The following CDKN2B-AS1 variants were observed in gnomAD, a reference collection of about 807,000 sequenced individuals.
The protein encoded by CDKN2B-AS1 is CDKN2B antisense RNA 1 (non-protein coding).
intron 1 of CDKN2B-AS1, chr9:22,003,065 T>A (rs1326686490): frequency 4.7e-6 from 1 of 212,728 alleles, no homozygotes; most frequent in Non-Finnish European, 9.5e-6. Flanking sequence ...GCAGGACTCA[T>A]GAAAATAGTA....
intron 2 of CDKN2B-AS1, among the ~76,000 whole-genome samples, chr9:22,047,855 T>C (rs61564778): frequency 0.039 from 5,888 of 151,968 alleles, 300 homozygotes; most frequent in African/African-American, 0.12. Context: ...GGCACAATCA[T>C]GGTTCATTGC....
chr9:22,020,991 G>T lies in CDKN2B-AS1; in HGVS notation n.30-25760G>T, dbSNP rs1445798272. 2.0e-5 allele frequency among the ~76,000 whole-genome samples: 3 copies of T among 152,004 alleles called. No individual in the cohort carries two copies. The South Asian group carries it at 6.2e-4, about 32-fold the overall frequency. On this transcript the variant is annotated intron_variant and non_coding_transcript_variant, in intron 1 of 4. Coordinates refer to ENST00000650946, the Ensembl canonical transcript of CDKN2B-AS1. ...TGGTACTGCCTAGACTGTCTTCCAG[G>T]GTTTTGATAGTTTTGGGTTTTACAT...
chr9:22,018,839 A>G (rs1356228391), intron 1 of CDKN2B-AS1, among the ~76,000 whole-genome samples: 123 of 152,348 alleles, frequency 8.1e-4, no homozygotes, highest in Non-Finnish European at 1.8e-4. Context: ...CCCCCCCAAT[A>G]AATATCATAC....
intron 4 of CDKN2B-AS1, among the ~76,000 whole-genome samples, chr9:22,078,797 T>C (rs1241242463): frequency 1.3e-5 from 2 of 152,242 alleles, no homozygotes; most frequent in Admixed American, 6.5e-5. Context: ...GTAAATCAGC[T>C]CTGAGATCTT....
chr9:22,120,613 T>A (rs558193116), intron 4 of CDKN2B-AS1: 3 of 152,160 alleles, frequency 2.0e-5, no homozygotes, highest in Admixed American at 6.5e-5. Context: ...ATGGTTTTTT[T>A]AAAAAAATAA....
At chr9:22,115,184 C>T (rs1172211728) in intron 4 of CDKN2B-AS1, among the ~76,000 whole-genome samples, 1 of 152,186 alleles carries the variant, frequency 6.6e-6, no homozygotes, top group Non-Finnish European at 1.5e-5. Context: ...GTCACAAGGA[C>T]TCCTCTTCCT....
chr9:22,052,549 A>C (rs1823392227), intron 3 of CDKN2B-AS1, among the ~76,000 whole-genome samples: 1 of 152,134 alleles, frequency 6.6e-6, no homozygotes, highest in Non-Finnish European at 1.5e-5. Flanking sequence ...CAAGTTGAAG[A>C]CCCAGGCTGC....
intron 1 of CDKN2B-AS1, chr9:22,030,476 T>G (rs1458162290): frequency 6.6e-6 from 1 of 152,148 alleles, no homozygotes; most frequent in African/African-American, 2.4e-5. Context: ...GCCCTGGTGT[T>G]GAAAAATTTT....
chr9:22,007,335 T>C (rs1376292368), intron 1 of CDKN2B-AS1, among the ~76,000 whole-genome samples: 1 of 150,220 alleles, frequency 6.7e-6, no homozygotes, highest in Non-Finnish European at 1.5e-5. Context: ...CTCCAGCCTG[T>C]CCGACAGAGT....
intron 4 of CDKN2B-AS1, among the ~76,000 whole-genome samples, chr9:22,072,834 C>G (rs1041486348): frequency 3.9e-5 from 6 of 152,166 alleles, no homozygotes; most frequent in Admixed American, 1.3e-4. Context: ...ACTGTCTTAA[C>G]TTTGTGTCTT....
chr9:22,051,543 A>G (rs1823346136), intron 3 of CDKN2B-AS1, among the ~76,000 whole-genome samples: 1 of 152,194 alleles, frequency 6.6e-6, no homozygotes, highest in African/African-American at 2.4e-5. Context: ...ATTTTCTTCC[A>G]AAGGCAGTTA....
intron 1 of CDKN2B-AS1, among the ~76,000 whole-genome samples, chr9:22,016,655 C>G (rs1186335709): frequency 2.0e-5 from 3 of 152,150 alleles, no homozygotes; most frequent in Admixed American, 1.3e-4. Context: ...ATATCTACAA[C>G]TATCTGATCT....
chr9:22,094,623 C>T lies in CDKN2B-AS1; in HGVS notation n.439-32480C>T, dbSNP rs1825211569. ...ATCGAATCGGCTACTGAGGCTTGTG[C>T]ATTCGTCATGTAGTTCTCGTGCCTT... On this transcript the variant is annotated intron_variant and non_coding_transcript_variant, in intron 4 of 4. Transcript: ENST00000650946. Among the ~76,000 whole-genome samples the T allele has an allele frequency of 2.1e-5, 3 of 144,540 alleles. 1 individual carries two copies. Among genetic ancestry groups the T allele is most frequent in the African/African-American group, 8.7e-5 (3 of 34,668 alleles). The allele number at this position is 144,540 out of a possible 152,430, so 94.8% of individuals were successfully genotyped here. A position where few individuals can be genotyped will look rare whatever the true frequency, so the allele number is the denominator to read the frequency against.
intron 1 of CDKN2B-AS1, among the ~76,000 whole-genome samples, chr9:22,038,964 G>T (rs746172004): frequency 4.6e-5 from 7 of 151,962 alleles, no homozygotes; most frequent in Non-Finnish European, 1.0e-4. Context: ...CTCTGGAAGA[G>T]ATCCTAACTT....
chr9:22,099,034 G>A (rs1825388718), intron 4 of CDKN2B-AS1, among the ~76,000 whole-genome samples: 1 of 152,158 alleles, frequency 6.6e-6, no homozygotes, highest in South Asian at 2.1e-4. Context: ...GCACAATGAG[G>A]GTGTTAGTAC....
intron 4 of CDKN2B-AS1, among the ~76,000 whole-genome samples, chr9:22,114,920 T>TA (rs1266759862): frequency 6.6e-6 from 1 of 152,244 alleles, no homozygotes; most frequent in Non-Finnish European, 1.5e-5. Context: ...TATCATACTT[T>TA]ATTTTAAAAT....
intron 1 of CDKN2B-AS1, among the ~76,000 whole-genome samples, chr9:22,010,513 G>GT (rs930972554): frequency 3.2e-4 from 48 of 149,154 alleles, no homozygotes; most frequent in African/African-American, 7.7e-4. Flanking sequence ...GTCTTCACAT[G>GT]TTTTTTTTAG....
intron 4 of CDKN2B-AS1, among the ~76,000 whole-genome samples, chr9:22,086,216 A>T (rs181683731): frequency 2.0e-5 from 3 of 152,312 alleles, no homozygotes; most frequent in Non-Finnish European, 4.4e-5. Context: ...GAGCTTGATC[A>T]GTGTTTGTTT....
intron 4 of CDKN2B-AS1, among the ~76,000 whole-genome samples, chr9:22,100,338 A>G (rs1307965394): frequency 3.3e-5 from 5 of 152,130 alleles, no homozygotes; most frequent in Non-Finnish European, 7.4e-5. Context: ...TCCCCAGGCA[A>G]CCATAATCTT....
Sources: gnomAD v4.1 joint callset for allele counts (sites outside exome capture counted in the v4.1 genomes callset) on GRCh38, gnomAD v4.1.1 for gene constraint, MANE v1.5 for transcripts, NCBI Gene and HGNC (gene_info 2026-07-23, HGNC 2026-07-21) for gene names.